PTN: variants seen among roughly 807,000 people sequenced by gnomAD.
The protein encoded by PTN is pleiotrophin.
A neutral mutation model predicts 24.1 loss-of-function variants in PTN; 18 were observed. The observed-to-expected ratio is 0.75, with a 90% CI of 0.52 to 1.11. PTN has a LOEUF of 1.11. PTN is among the 50% of genes least tolerant of loss of function. The pLI, the probability that PTN is intolerant of heterozygous loss-of-function variation, is 0.00. For synonymous variants in PTN, 78 were observed against 68.6 expected (o/e 1.14, Z -0.67); for missense variants, 163 against 198.8 (o/e 0.82, Z 1.08).
intron 1 of PTN, among the ~76,000 whole-genome samples, chr7:137,255,824 C>T (rs1007096754): frequency 6.6e-6 from 1 of 152,192 alleles, no homozygotes; most frequent in Non-Finnish European, 1.5e-5. Flanking sequence ...TCAGTCCAAG[C>T]TCCAGGACGA....
intron 1 of PTN, among the ~76,000 whole-genome samples, chr7:137,278,057 C>T (rs1321088013): frequency 6.6e-6 from 1 of 151,784 alleles, no homozygotes; most frequent in East Asian, 1.9e-4. Context: ...CCTGTAATCC[C>T]AGCACTTTGG....
chr7:137,299,049 T>G (rs1398331339), intron 1 of PTN, among the ~76,000 whole-genome samples: 5 of 151,914 alleles, frequency 3.3e-5, no homozygotes, highest in Admixed American at 3.3e-4. Flanking sequence ...AATGAAAAAT[T>G]GCACTGAGCA....
intron 4 of PTN, among the ~76,000 whole-genome samples, chr7:137,245,164 A>T (rs1299903467): frequency 1.3e-5 from 2 of 152,234 alleles, no homozygotes; most frequent in African/African-American, 4.8e-5. Context: ...TAAGCAAAGA[A>T]GTTCTCTAAA....
chr7:137,343,579 C>G lies in PTN; in HGVS notation c.-142G>C. The G allele has an allele frequency of 1.9e-6, 1 of 519,018 alleles. No homozygotes were observed. The highest frequency in any genetic ancestry group is 3.2e-4 in the Middle Eastern group (1 of 3,146). 32.2% of individuals were successfully genotyped at this position (519,018 alleles called of 1,614,324 possible). On this transcript the variant is annotated 5_prime_UTR_variant, in exon 1 of 5. Coordinates refer to ENST00000348225, the MANE Select transcript of PTN (RefSeq NM_002825.7). ...CTCTCCCCGCCTTCTGGACGGATGA[C>G]TCACTGGTCTCTTTCTTCCCCTCTC...
At chr7:137,271,149 G>A (rs322237) in intron 1 of PTN, among the ~76,000 whole-genome samples, 100,918 of 152,126 alleles carry the variant, frequency 0.66, 35,955 homozygotes, top group East Asian at 0.94. Flanking sequence ...CTCACTAGCA[G>A]GCAATCTGAT....
intron 1 of PTN, among the ~76,000 whole-genome samples, chr7:137,278,214 G>C (rs1809399052): frequency 6.8e-6 from 1 of 148,118 alleles, no homozygotes; most frequent in African/African-American, 2.5e-5. Flanking sequence ...GGCTGAGGCA[G>C]GAGAATGGCG....
intron 1 of PTN, among the ~76,000 whole-genome samples, chr7:137,302,482 AG>A (rs1382859496): frequency 1.3e-5 from 2 of 152,010 alleles, no homozygotes; most frequent in Admixed American, 1.3e-4. Context: ...AAAGCAATGA[AG>A]AAAGGAATTC....
chr7:137,275,838 T>A (rs1809351369), intron 1 of PTN, among the ~76,000 whole-genome samples: 2 of 152,234 alleles, frequency 1.3e-5, no homozygotes, highest in East Asian at 1.9e-4. Context: ...ATTTCTGTCA[T>A]GATTCTACCA....
intron 1 of PTN, chr7:137,318,597 T>C (rs980793468): frequency 1.3e-5 from 2 of 152,242 alleles, no homozygotes; most frequent in East Asian, 3.8e-4. Context: ...TAAATGTGTA[T>C]GCTGCGAATT....
chr7:137,325,697 T>C (rs1810248062), intron 1 of PTN: 1 of 152,238 alleles, frequency 6.6e-6, no homozygotes, highest in East Asian at 1.9e-4. Flanking sequence ...CCTTTTCCAC[T>C]GGCTGCAGAA....
At chr7:137,312,050 TG>T (rs1809991102) in intron 1 of PTN, among the ~76,000 whole-genome samples, 1 of 152,162 alleles carries the variant, frequency 6.6e-6, no homozygotes, top group Non-Finnish European at 1.5e-5. Flanking sequence ...ACAAAGTTGA[TG>T]GACTTGGTTT....
At chr7:137,290,108 C>G (rs752870169) in intron 1 of PTN, among the ~76,000 whole-genome samples, 19 of 152,204 alleles carry the variant, frequency 1.2e-4, no homozygotes, top group Middle Eastern at 3.4e-3. Context: ...ACATGGATGG[C>G]AGCAGCCAAA....
intron 1 of PTN, among the ~76,000 whole-genome samples, chr7:137,266,511 A>G (rs1019484820): frequency 4.6e-5 from 6 of 131,176 alleles, no homozygotes; most frequent in East Asian, 2.0e-4. Flanking sequence ...ATTCTTCCAC[A>G]TGCTCAACTT....
intron 1 of PTN, among the ~76,000 whole-genome samples, chr7:137,335,865 C>G (rs1810438847): frequency 6.6e-6 from 1 of 150,972 alleles, no homozygotes; most frequent in East Asian, 1.9e-4. Context: ...GGAAATATAA[C>G]ATAATCTGAG....
intron 1 of PTN, among the ~76,000 whole-genome samples, chr7:137,324,498 A>G (rs1810225233): frequency 6.7e-6 from 1 of 149,392 alleles, no homozygotes; most frequent in Non-Finnish European, 1.5e-5. Flanking sequence ...ATTCATAGAT[A>G]AAGTATGGGG....
chr7:137,256,282 C>T (rs1364852186), intron 1 of PTN, among the ~76,000 whole-genome samples: 1 of 152,096 alleles, frequency 6.6e-6, no homozygotes, highest in African/African-American at 2.4e-5. Flanking sequence ...TGGTTTGCTG[C>T]ACTTATTGAC....
intron 4 of PTN, chr7:137,236,334 G>A: frequency 5.8e-6 from 4 of 695,078 alleles, no homozygotes; most frequent in Non-Finnish European, 7.9e-6. Context: ...GTCAGGGGTG[G>A]GGGAATCAGC....
intron 4 of PTN, chr7:137,236,261 A>G (rs777326746): frequency 1.3e-5 from 9 of 702,086 alleles, no homozygotes; most frequent in Middle Eastern, 4.6e-4. Flanking sequence ...AGGAATTGAG[A>G]TATCTATAGC....
chr7:137,260,178 T>C (rs912016844), intron 1 of PTN, among the ~76,000 whole-genome samples: 5 of 152,158 alleles, frequency 3.3e-5, no homozygotes, highest in African/African-American at 7.2e-5. Context: ...TAGCCTCATA[T>C]GAGAGTAAAT....
Sources: allele counts gnomAD v4.1 joint callset (sites outside exome capture counted in the v4.1 genomes callset), GRCh38; gene constraint gnomAD v4.1.1; transcripts MANE v1.5; gene names NCBI Gene and HGNC (gene_info 2026-07-23, HGNC 2026-07-21).